The following WWOX variants were observed in gnomAD, a reference collection of about 807,000 sequenced individuals.
WWOX encodes the protein WW domain-containing oxidoreductase.
In WWOX, 69 loss-of-function variants were observed where a neutral mutation model predicts 46.2. That is an observed-to-expected ratio of 1.49 (90% confidence interval 1.23 to 1.82). The LOEUF is 1.82. Ranked by LOEUF, WWOX falls within the 40% of genes most tolerant of loss-of-function variation. The pLI is 0.00. For missense variants in WWOX, 919 were observed against 542.6 expected (o/e 1.69, Z -6.89); for synonymous variants, 359 against 202.6 (o/e 1.77, Z -6.56).
In WWOX at chr16:79,047,596, G is replaced by A. The variant is rs550264761; in HGVS notation, c.1057-164012G>A. Among the ~76,000 whole-genome samples the A allele has an allele frequency of 6.6e-5, 10 of 151,048 alleles. No individual in the cohort carries two copies. The East Asian group carries it at 1.9e-3, about 29-fold the overall frequency. ...GTAACAGATTACTACAAATTTTGTGGCATAAAATAACACAAATCGATTCCC... is the reference window on the plus strand; with the variant it reads ...GTAACAGATTACTACAAATTTTGTGACATAAAATAACACAAATCGATTCCC... On this transcript the variant is annotated intron_variant, in intron 8 of 8. Transcript: ENST00000566780.
In WWOX at chr16:78,107,285, G is replaced by A. The variant is rs118116484; in HGVS notation, c.108-1138G>A. Among the ~76,000 whole-genome samples the A allele has an allele frequency of 1.6e-4, 25 of 152,286 alleles. 1 individual carries two copies. In the Middle Eastern group the frequency reaches 0.01, roughly 62 times the overall value. On this transcript the variant is annotated intron_variant, in intron 1 of 8. Coordinates refer to ENST00000566780, the MANE Select transcript of WWOX (RefSeq NM_016373.4). ...TGGATACCTTATTACCTGGTGACAC[G>A]TGTTTCTAGTTATTGACCTATGTTT... is the stretch of plus-strand genomic sequence containing the variant.
chr16:79,190,273 C>T (rs572007017), intron 8 of WWOX, among the ~76,000 whole-genome samples: 10 of 152,258 alleles, frequency 6.6e-5, no homozygotes, highest in Non-Finnish European at 1.3e-4. Flanking sequence ...GATCTGCCTG[C>T]CTCAGCCTCT....
chr16:79,095,101 A>T (rs370309731), intron 8 of WWOX, among the ~76,000 whole-genome samples: 2 of 152,166 alleles, frequency 1.3e-5, no homozygotes, highest in African/African-American at 4.8e-5. Context: ...GCCCCGTTCT[A>T]TTGCAAAGGA....
At chr16:78,673,537 A>G (rs1041404711) in intron 8 of WWOX, among the ~76,000 whole-genome samples, 2 of 152,206 alleles carry the variant, frequency 1.3e-5, no homozygotes, top group East Asian at 3.8e-4. Flanking sequence ...ACTTGATTGG[A>G]AAGAGAAGCT....
At chr16:78,529,153 C>A (rs1296461977) in intron 8 of WWOX, among the ~76,000 whole-genome samples, 2 of 151,888 alleles carry the variant, frequency 1.3e-5, no homozygotes, top group African/African-American at 4.8e-5. Context: ...CAGGGTCTGA[C>A]TGTATTGCCC....
chr16:78,825,865 G>C (rs144883530), intron 8 of WWOX: 2 of 656,188 alleles, frequency 3.0e-6, no homozygotes, highest in African/African-American at 3.6e-5. Context: ...CCGCTGGTAA[G>C]ACTGGCCCTA....
At chr16:78,370,125 G>A (rs1448181770) in intron 5 of WWOX, among the ~76,000 whole-genome samples, 1 of 51,168 alleles carries the variant, frequency 2.0e-5, no homozygotes, top group African/African-American at 7.3e-5. Context: ...GAGCAAGACT[G>A]TCTCCAAAAA....
chr16:78,528,930 T>G (rs762497714), intron 8 of WWOX, among the ~76,000 whole-genome samples: 13 of 150,210 alleles, frequency 8.7e-5, no homozygotes, highest in Non-Finnish European at 1.5e-5. Flanking sequence ...TTTTTTTCTT[T>G]CCTTTTTCTT....
chr16:78,116,654 A>G (rs144635272), intron 4 of WWOX, among the ~76,000 whole-genome samples: 67 of 152,322 alleles, frequency 4.4e-4, no homozygotes, highest in African/African-American at 1.5e-3. Context: ...TGGATCCCCA[A>G]TCTAAGAAGA....
At chr16:78,531,914 C>G (rs1022890069) in intron 8 of WWOX, among the ~76,000 whole-genome samples, 6 of 152,084 alleles carry the variant, frequency 3.9e-5, no homozygotes, top group Non-Finnish European at 7.4e-5. Flanking sequence ...ACTACAATAA[C>G]TTTTTCAGTC....
chr16:78,263,099 G>A (rs1451860032), intron 5 of WWOX, among the ~76,000 whole-genome samples: 3 of 152,272 alleles, frequency 2.0e-5, no homozygotes, highest in Admixed American at 2.0e-4. Flanking sequence ...GAAGCTGGGG[G>A]AAACATGGTG....
At chr16:78,266,043 C>T (rs906818120) in intron 5 of WWOX, 1 of 152,186 alleles carries the variant, frequency 6.6e-6, no homozygotes, top group Admixed American at 6.5e-5. Flanking sequence ...GAACACCAGA[C>T]CTGTCTCACA....
chr16:78,494,121 A>C (rs539838954), intron 8 of WWOX, among the ~76,000 whole-genome samples: 175 of 152,336 alleles, frequency 1.1e-3, no homozygotes, highest in African/African-American at 4.2e-3. Flanking sequence ...TAATGTCTTC[A>C]CATGGCTGGC....
chr16:78,844,514 C>T (rs965773304), intron 8 of WWOX, among the ~76,000 whole-genome samples: 4 of 151,826 alleles, frequency 2.6e-5, no homozygotes, highest in South Asian at 2.1e-4. Flanking sequence ...ATCCCGAGCC[C>T]GAACATCAAT....
intron 8 of WWOX, among the ~76,000 whole-genome samples, chr16:78,475,406 AT>A (rs1173187937): frequency 6.6e-6 from 1 of 152,114 alleles, no homozygotes; most frequent in Non-Finnish European, 1.5e-5. Context: ...ATAAACTGGG[AT>A]TTGTAAATAT....
intron 5 of WWOX, among the ~76,000 whole-genome samples, chr16:78,212,228 C>T (rs1445193407): frequency 6.6e-6 from 1 of 152,182 alleles, no homozygotes; most frequent in Non-Finnish European, 1.5e-5. Flanking sequence ...AAGGAAAGCT[C>T]ACTCCATGGA....
At chr16:79,143,535 T>C (rs2050129645) in intron 8 of WWOX, among the ~76,000 whole-genome samples, 1 of 152,218 alleles carries the variant, frequency 6.6e-6, no homozygotes, top group Non-Finnish European at 1.5e-5. Context: ...GTTGGAGTTT[T>C]ATTCTTGATA....
At chr16:79,003,403 G>A (rs72791507) in intron 8 of WWOX, among the ~76,000 whole-genome samples, 14,433 of 152,240 alleles carry the variant, frequency 0.095, 881 homozygotes, top group Middle Eastern at 0.24. Flanking sequence ...TTATCACCGT[G>A]AGGCCTCTTC....
At chr16:78,691,266 G>C in intron 8 of WWOX, 1 of 702,174 alleles carries the variant, frequency 1.4e-6, no homozygotes, top group Admixed American at 2.0e-5. Flanking sequence ...GGTAGAAGGA[G>C]GTCACTTCTG....
Sources: allele counts gnomAD v4.1 joint callset (sites outside exome capture counted in the v4.1 genomes callset), GRCh38; gene constraint gnomAD v4.1.1; transcripts MANE v1.5; gene names NCBI Gene and HGNC (gene_info 2026-07-23, HGNC 2026-07-21).